CR2: variants seen among roughly 807,000 people sequenced by gnomAD.
CR2 encodes complement receptor type 2.
CR2 carries 96 observed loss-of-function variants against 123.0 expected under a neutral mutation model. That is an observed-to-expected ratio of 0.78 (90% confidence interval 0.66 to 0.93). The LOEUF is 0.93. CR2 is among the 40% of genes least tolerant of loss of function. The pLI, the probability that CR2 is intolerant of heterozygous loss-of-function variation, is 0.00. For synonymous variants in CR2, 484 were observed against 469.5 expected, an observed-to-expected ratio of 1.03 and a Z score of -0.40; for missense variants, 1,258 against 1,361.0, an observed-to-expected ratio of 0.92 and a Z score of 1.19.
At chr1:207,472,680 A>G (rs982271407) in intron 9 of CR2, 92 bp from the exon 10 acceptor site, 76 of 1,359,650 alleles carry the variant, frequency 5.6e-5, no homozygotes, top group Non-Finnish European at 7.6e-5. Context: ...TCCAGGAAAC[A>G]ACAGATTCAT....
chr1:207,454,504 G>A lies in CR2; in HGVS notation c.58+28G>A. The A allele has an allele frequency of 6.7e-7, 1 of 1,493,442 alleles. No individual in the cohort carries two copies. Among genetic ancestry groups the A allele is most frequent in the Non-Finnish European group, 9.0e-7 (1 of 1,110,864 alleles). The allele number at this position is 1,493,442 out of a possible 1,614,324, so 92.5% of individuals were successfully genotyped here. On this transcript the variant is annotated intron_variant, in intron 1 of 19. Coordinates refer to ENST00000367057, the MANE Select transcript of CR2 (RefSeq NM_001006658.3). This position sits in a 1 kb window ranked among gnomAD's most constrained non-coding sequence, Gnocchi z 4.3. ...GAGCTGGGAGGGGGAGCACGGAGGTGGGGACGCGTCCCGGGCAGGGAAAGT... is the reference window on the plus strand; with the variant it reads ...GAGCTGGGAGGGGGAGCACGGAGGTAGGGACGCGTCCCGGGCAGGGAAAGT...
intron 18 of CR2, 123 bp downstream of exon 18, chr1:207,480,176 AGTATCTCGTG>A (rs1370298199): frequency 4.0e-6 from 3 of 759,094 alleles, no homozygotes; most frequent in Non-Finnish European, 7.1e-6. Flanking sequence ...AACTAAATGA[AGTATCTCGTG>A]CTATACAAAA....
At chr1:207,482,054 T>G (rs1469939345) in intron 18 of CR2, among the ~76,000 whole-genome samples, 1 of 152,128 alleles carries the variant, frequency 6.6e-6, no homozygotes, top group Non-Finnish European at 1.5e-5. Context: ...TGGCATATTT[T>G]AACCTTTATT....
chr1:207,462,193 G>A (rs1657983505), intron 1 of CR2, among the ~76,000 whole-genome samples: 1 of 152,050 alleles, frequency 6.6e-6, no homozygotes, highest in Admixed American at 6.6e-5. Flanking sequence ...GATAGTCTTT[G>A]CCTTTGAGAA....
intron 15 of CR2, 98 bp downstream of exon 15, chr1:207,476,517 A>T: frequency 9.5e-7 from 1 of 1,056,600 alleles, no homozygotes; most frequent in Non-Finnish European, 1.4e-6. Context: ...CAAAGAAATG[A>T]ATTAACTGTC....
Position 207,478,039 on chromosome 1 carries a change from A to G in CR2, c.3057A>G (p.Gln1019=), listed in dbSNP as rs143091851. The G allele has an allele frequency of 5.0e-5, 80 of 1,613,828 alleles. No homozygotes were observed. The highest frequency in any genetic ancestry group is 6.6e-5 in the Non-Finnish European group (78 of 1,179,950). The part of the protein sequence containing the change: ...SPQSQCQSDH[Q]WNPPLAVCRS... The stretch of plus-strand genomic sequence containing the variant: ...AGAGCCAGTGCCAATCGGATCACCA[A>G]TGGAACCCTCCCCTGGCGGTTTGCA... Residue 1019 remains glutamine (Q), a synonymous_variant, in exon 16 of 20, where the codon CAA becomes CAG. Transcript: ENST00000367057.
chr1:207,483,242 G>T (rs1372059274), intron 18 of CR2, among the ~76,000 whole-genome samples: 1 of 152,258 alleles, frequency 6.6e-6, no homozygotes, highest in African/African-American at 2.4e-5. Context: ...CAAGTCCCCT[G>T]CATCTATCAT....
rs536183214 is a variant in CR2 at position 207,483,105 on chromosome 1, C to T, written c.3189-2359C>T. On this transcript the variant is annotated intron_variant, in intron 18 of 19. Coordinates refer to ENST00000367057, the MANE Select transcript of CR2 (RefSeq NM_001006658.3). ...ATAGGTTCGTGAGTCTTTGTACATGCTAGTGTTAGGGCGGATAATCCAATG... is the reference window on the plus strand; with the variant it reads ...ATAGGTTCGTGAGTCTTTGTACATGTTAGTGTTAGGGCGGATAATCCAATG... Among the ~76,000 whole-genome samples, 4 of 152,256 alleles carry T rather than the reference C, an allele frequency of 2.6e-5. No individual in the cohort carries two copies. In the East Asian group the frequency reaches 7.7e-4, roughly 29 times the overall value.
chr1:207,456,222 G>A (rs1368835752), intron 1 of CR2, among the ~76,000 whole-genome samples: 3 of 152,092 alleles, frequency 2.0e-5, no homozygotes, highest in Non-Finnish European at 4.4e-5. Context: ...TCTTGTATGC[G>A]CTGCTCATGG....
At chr1:207,468,229 C>T (rs1253876888) in intron 2 of CR2, 1 of 437,282 alleles carries the variant, frequency 2.3e-6, no homozygotes, top group African/African-American at 2.0e-5. Flanking sequence ...TATCCTAAGT[C>T]AGCATCTCGA....
intron 17 of CR2, 56 bp from the exon 18 acceptor site, chr1:207,479,922 G>T: frequency 7.5e-7 from 1 of 1,334,490 alleles, no homozygotes; most frequent in South Asian, 1.2e-5. Flanking sequence ...CAATCAGTCA[G>T]AACAATGTAG....
chr1:207,480,038 C>A lies in CR2; in HGVS notation c.3173C>A (p.Ser1058Ter). ...FLIVITLYVI[S>*]KHRARNYYTD... ...ATTGTCATTACCTTATACGTGATAT[C>A]AAAACACAGAGCACGGTAAGTTCAA... Residue 1058 changes from serine to a stop codon, truncating the protein, a stop_gained, in exon 18 of 20, where the codon TCA becomes TAA. Transcript: ENST00000367057. LOFTEE classifies it high-confidence loss of function. 1 of 1,612,206 alleles carries A rather than the reference C, an allele frequency of 6.2e-7. No homozygotes were observed. The highest frequency in any genetic ancestry group is 8.5e-7 in the Non-Finnish European group (1 of 1,178,468).
intron 18 of CR2, among the ~76,000 whole-genome samples, chr1:207,483,065 G>A (rs1211659759): frequency 2.6e-5 from 4 of 152,064 alleles, no homozygotes; most frequent in Non-Finnish European, 5.9e-5. Flanking sequence ...TGTTGGCCTC[G>A]GATGTTATGT....
At chr1:207,486,364 G>A (rs1054133398) in intron 19 of CR2, among the ~76,000 whole-genome samples, 1 of 152,104 alleles carries the variant, frequency 6.6e-6, no homozygotes. Context: ...AAGGAGGCCA[G>A]TGTGGCCTAC....
intron 12 of CR2, 134 bp from the exon 13 acceptor site, chr1:207,474,106 TA>T (rs879074006): frequency 7.1e-5 from 64 of 900,472 alleles, no homozygotes; most frequent in Admixed American, 1.0e-4. Context: ...TTACTTGGAG[TA>T]AAAAAAAGTA....
chr1:207,472,002 C>A lies in CR2; in HGVS notation c.1570+503C>A, dbSNP rs1042783572. 6 of 198,868 alleles carry A rather than the reference C, an allele frequency of 3.0e-5. No individual in the cohort carries two copies. In the East Asian group the frequency reaches 4.7e-4, roughly 16 times the overall value. The allele number at this position is 198,868 out of a possible 1,614,324, so 12.3% of individuals were successfully genotyped here. A position where few individuals can be genotyped will look rare whatever the true frequency, so the allele number is the denominator to read the frequency against. ...CAGTGGCTCACGCCTATAATCCCAG[C>A]ACTTCAGGAGGCTGAGGGCGGCAGA... is the stretch of plus-strand genomic sequence containing the variant. On this transcript the variant is annotated intron_variant, in intron 9 of 19. Transcript: ENST00000367057.
intron 17 of CR2, 42 bp downstream of exon 17, chr1:207,479,322 T>G (rs1658535125): frequency 2.1e-6 from 3 of 1,434,726 alleles, no homozygotes; most frequent in Non-Finnish European, 2.9e-6. Context: ...CTTATAATAT[T>G]TTTTAAAAAT....
intron 18 of CR2, among the ~76,000 whole-genome samples, chr1:207,485,014 T>TA (rs1386770779): frequency 6.6e-6 from 1 of 152,246 alleles, no homozygotes; most frequent in African/African-American, 2.4e-5. Context: ...ATTCATTTTT[T>TA]ATGTGCCTTT....
intron 19 of CR2, among the ~76,000 whole-genome samples, 194 bp downstream of exon 19, chr1:207,485,766 T>A: frequency 6.6e-6 from 1 of 152,166 alleles, no homozygotes; most frequent in Non-Finnish European, 1.5e-5. Context: ...AATCCATTCA[T>A]CCATTCAACA....
Sources: allele counts gnomAD v4.1 joint callset (sites outside exome capture counted in the v4.1 genomes callset), GRCh38; gene constraint gnomAD v4.1.1; non-coding constraint Gnocchi (gnomAD v3.1); transcripts MANE v1.5; gene names NCBI Gene and HGNC (gene_info 2026-07-23, HGNC 2026-07-21).